ARK2N: variants seen among roughly 807,000 people sequenced by gnomAD.
ARK2N encodes protein ARK2N.
the ARK2N span, among the ~76,000 whole-genome samples, chr18:46,190,120 A>G: frequency 6.6e-6 from 1 of 152,204 alleles, no homozygotes; most frequent in Non-Finnish European, 1.5e-5. Flanking sequence ...GCTATGAGCA[A>G]TAATTAATGA....
At chr18:46,225,607 C>T in the ARK2N span, among the ~76,000 whole-genome samples, 664 of 152,138 alleles carry the variant, frequency 4.4e-3, 3 homozygotes, top group African/African-American at 0.015. Context: ...TCCAGGAGCC[C>T]GCCACCACGC....
At chr18:46,262,179 TTGAC>T in the ARK2N span, among the ~76,000 whole-genome samples, 1 of 152,194 alleles carries the variant, frequency 6.6e-6, no homozygotes, top group Non-Finnish European at 1.5e-5. Context: ...ATTCTATCAT[TTGAC>T]TGGACTGTGG....
the ARK2N span, among the ~76,000 whole-genome samples, chr18:46,178,644 C>T: frequency 6.6e-6 from 1 of 152,078 alleles, no homozygotes; most frequent in African/African-American, 2.4e-5. Context: ...TCTGGGGCTA[C>T]GTGCAGTGGC....
the ARK2N span, among the ~76,000 whole-genome samples, chr18:46,176,522 A>C: frequency 6.7e-6 from 1 of 149,732 alleles, no homozygotes; most frequent in Non-Finnish European, 1.5e-5. Flanking sequence ...TGGCATGATC[A>C]CAGCTCACTG....
the ARK2N span, among the ~76,000 whole-genome samples, chr18:46,179,853 G>A: frequency 6.6e-6 from 1 of 152,120 alleles, no homozygotes; most frequent in Non-Finnish European, 1.5e-5. Context: ...TCAAACTCCC[G>A]ACCTCAGGTA....
At chr18:46,179,711 C>A in the ARK2N span, among the ~76,000 whole-genome samples, 5 of 151,600 alleles carry the variant, frequency 3.3e-5, no homozygotes, top group Admixed American at 6.6e-5. Context: ...CCGCAACCTC[C>A]GCCTCCTGGG....
chr18:46,200,361 G>A, the ARK2N span, among the ~76,000 whole-genome samples: 1,828 of 152,152 alleles, frequency 0.012, 37 homozygotes, highest in African/African-American at 0.036. Context: ...AGGCTGGAGC[G>A]CAGTGGCGCA....
At chr18:46,237,505 A>C in the ARK2N span, among the ~76,000 whole-genome samples, 5 of 150,800 alleles carry the variant, frequency 3.3e-5, no homozygotes, top group East Asian at 9.8e-4. Context: ...CTCGTGCCTC[A>C]GCCTCCCAAG....
At chr18:46,225,025 G>A in the ARK2N span, among the ~76,000 whole-genome samples, 1 of 152,220 alleles carries the variant, frequency 6.6e-6, no homozygotes, top group Non-Finnish European at 1.5e-5. Context: ...CACAGGCAGT[G>A]GCCTAGAAGA....
chr18:46,193,591 G>GTTTTTTTTT, the ARK2N span, among the ~76,000 whole-genome samples: 1 of 92,386 alleles, frequency 1.1e-5, no homozygotes, highest in Non-Finnish European at 2.1e-5. Context: ...GCCCAGCCGG[G>GTTTTTTTTT]TTTTTTTTTT....
chr18:46,189,268 C>T, the ARK2N span, among the ~76,000 whole-genome samples: 8 of 147,020 alleles, frequency 5.4e-5, no homozygotes, highest in East Asian at 2.0e-4. Flanking sequence ...GAAGGAAACA[C>T]GTATAGGGAA....
chr18:46,185,549 T>G, the ARK2N span, among the ~76,000 whole-genome samples: 1 of 152,358 alleles, frequency 6.6e-6, no homozygotes, highest in East Asian at 1.9e-4. Context: ...TTTTAAGTCT[T>G]TTTGTGACAA....
chr18:46,224,956 A>C, the ARK2N span, among the ~76,000 whole-genome samples: 1 of 152,198 alleles, frequency 6.6e-6, no homozygotes, highest in African/African-American at 2.4e-5. Flanking sequence ...GCGGGATCTG[A>C]AGGAGTGCCC....
chr18:46,227,752 C>G, the ARK2N span, among the ~76,000 whole-genome samples: 1 of 152,064 alleles, frequency 6.6e-6, no homozygotes, highest in Non-Finnish European at 1.5e-5. Context: ...CATGTGCTAC[C>G]ATGCCTGGCT....
the ARK2N span, among the ~76,000 whole-genome samples, chr18:46,181,657 G>C: frequency 6.6e-6 from 1 of 152,172 alleles, no homozygotes; most frequent in Non-Finnish European, 1.5e-5. Flanking sequence ...GGAGCTTGCA[G>C]TGAGCCAAGA....
the ARK2N span, chr18:46,263,369 C>A: frequency 6.1e-6 from 2 of 327,898 alleles, no homozygotes; most frequent in Admixed American, 8.9e-5. Flanking sequence ...TTTTATTAGA[C>A]AACTTTATTT....
the ARK2N span, among the ~76,000 whole-genome samples, chr18:46,261,794 A>G: frequency 6.6e-6 from 1 of 151,988 alleles, no homozygotes; most frequent in Admixed American, 6.5e-5. Context: ...AGTAAGGGAG[A>G]AGTTATCAGA....
chr18:46,206,512 A>G, the ARK2N span, among the ~76,000 whole-genome samples: 2 of 152,060 alleles, frequency 1.3e-5, no homozygotes, highest in African/African-American at 2.4e-5. Context: ...TCTCTCTTTA[A>G]AATATCTTCT....
chr18:46,259,898 T>C, the ARK2N span, among the ~76,000 whole-genome samples: 2 of 95,216 alleles, frequency 2.1e-5, no homozygotes, highest in African/African-American at 6.7e-5. Context: ...TGTGTGTGTG[T>C]GCGACAGAGA....
Sources: gnomAD v4.1 joint callset for allele counts (sites outside exome capture counted in the v4.1 genomes callset) on GRCh38, gnomAD v4.1.1 for gene constraint, MANE v1.5 for transcripts, NCBI Gene and HGNC (gene_info 2026-07-23, HGNC 2026-07-21) for gene names.